The following SEMA6A variants were observed in gnomAD, a reference collection of about 807,000 sequenced individuals.
SEMA6A encodes the protein semaphorin-6A.
In SEMA6A, 25 loss-of-function variants were observed where a neutral mutation model predicts 96.8. That is an observed-to-expected ratio of 0.26 (90% CI 0.19 to 0.36). The LOEUF (loss-of-function observed/expected upper bound fraction) is 0.36. SEMA6A is among the 10% of genes least tolerant of loss of function. The probability of loss-of-function intolerance (pLI) is 1.00; values close to 1 mark genes in which losing one functional copy is unlikely to be tolerated. For synonymous variants in SEMA6A, 612 were observed against 518.0 expected, an observed-to-expected ratio of 1.18 and a Z score of -2.46; for missense variants, 1,363 against 1,323.1, an observed-to-expected ratio of 1.03 and a Z score of -0.47.
chr5:116,469,255 G>C (rs1293801754), intron 17 of SEMA6A: 1 of 152,150 alleles, frequency 6.6e-6, no homozygotes, highest in African/African-American at 2.4e-5. Context: ...TTCGTATCCA[G>C]CTGCTAAAAG....
At chr5:116,514,654 G>C (rs911982545) in intron 1 of SEMA6A, among the ~76,000 whole-genome samples, 3 of 152,132 alleles carry the variant, frequency 2.0e-5, no homozygotes, top group African/African-American at 7.2e-5. Flanking sequence ...GAGAACTCCT[G>C]ACTTCTCTTA....
At chr5:116,507,528 A>G (rs1758201932) in intron 1 of SEMA6A, among the ~76,000 whole-genome samples, 1 of 152,226 alleles carries the variant, frequency 6.6e-6, no homozygotes, top group South Asian at 2.1e-4. Context: ...CACTGAGTTT[A>G]TAAACCTTGA....
chr5:116,512,156 C>T (rs996773037), intron 1 of SEMA6A, among the ~76,000 whole-genome samples: 7 of 152,134 alleles, frequency 4.6e-5, no homozygotes, highest in African/African-American at 1.7e-4. Flanking sequence ...TGCTGCTGTC[C>T]ACAAGATGCA....
Position 116,446,453 on chromosome 5 carries a change from G to C in SEMA6A, c.*160C>G, listed in dbSNP as rs933577891. 5.2e-6 allele frequency: 3 copies of C among 575,206 alleles called. No homozygotes were observed. The highest frequency in any genetic ancestry group is 8.5e-6 in the Non-Finnish European group (3 of 351,780). 35.6% of individuals were successfully genotyped at this position (575,206 alleles called of 1,614,324 possible). On this transcript the variant is annotated 3_prime_UTR_variant, in exon 19 of 19. Transcript: ENST00000343348. ...CACCAAACCACGCGGCCCAGTTTTC[G>C]TGAGTACCCCTGTGTCCCAGAGAGG...
intron 1 of SEMA6A, among the ~76,000 whole-genome samples, chr5:116,572,053 G>C (rs1449826835): frequency 6.6e-6 from 1 of 152,106 alleles, no homozygotes; most frequent in East Asian, 1.9e-4. Context: ...ACAATTTCAG[G>C]ACTAAAGAAA....
chr5:116,567,832 A>G (rs1428101952), intron 1 of SEMA6A, among the ~76,000 whole-genome samples: 1 of 152,230 alleles, frequency 6.6e-6, no homozygotes, highest in Non-Finnish European at 1.5e-5. Context: ...TCACCCTGAC[A>G]TATTAATCGT....
intron 1 of SEMA6A, among the ~76,000 whole-genome samples, chr5:116,520,397 G>A (rs1561513691): frequency 6.6e-6 from 1 of 151,376 alleles, no homozygotes; most frequent in Non-Finnish European, 1.5e-5. Flanking sequence ...ATTAATCACT[G>A]TATCCCTCCC....
intron 18 of SEMA6A, among the ~76,000 whole-genome samples, chr5:116,465,498 GGGCAA>G (rs1426173250): frequency 6.6e-6 from 1 of 152,126 alleles, no homozygotes; most frequent in East Asian, 1.9e-4. Flanking sequence ...AAATTTGACA[GGGCAA>G]GGCAAGGAGT....
At chr5:116,507,387 C>T (rs926312072) in intron 1 of SEMA6A, among the ~76,000 whole-genome samples, 5 of 152,142 alleles carry the variant, frequency 3.3e-5, no homozygotes, top group African/African-American at 1.2e-4. Context: ...GAAATGATTA[C>T]TTTGCGGAGG....
rs377356374 is a variant in SEMA6A, at chr5:116,446,826, C to T, written c.2880G>A (p.Pro960=). The T allele has an allele frequency of 2.1e-5, 34 of 1,613,648 alleles. No individual in the cohort carries two copies. Among genetic ancestry groups the T allele is most frequent in the Admixed American group, 5.0e-5 (3 of 59,968 alleles). The change falls in exon 19 of 19, where the codon CCG becomes CCA. Residue 960 remains proline (P), a synonymous_variant. Coordinates refer to ENST00000343348, the MANE Select transcript of SEMA6A (RefSeq NM_020796.5). ...TGGAGTCCACCCTCTGCGGGGCGGG[C>T]GGCGGGTTGTCTCCCCTGCCAAAGC... is the stretch of plus-strand genomic sequence containing the variant. ...NQSFGRGDNP[P]PAPQRVDSIQ...
chr5:116,480,024 A>T, intron 12 of SEMA6A, 98 bp downstream of exon 12: 1 of 1,391,666 alleles, frequency 7.2e-7, no homozygotes, highest in Non-Finnish European at 1.0e-6. Context: ...GGATAGCAGA[A>T]GATGTTTGTG....
chr5:116,495,779 C>T (rs1757568254), intron 5 of SEMA6A: 3 of 408,954 alleles, frequency 7.3e-6, no homozygotes, highest in Non-Finnish European at 1.3e-5. Context: ...CCTGGAAATG[C>T]CAACCTCCCA....
At chr5:116,501,663 G>A (rs1757887507) in intron 3 of SEMA6A, among the ~76,000 whole-genome samples, 1 of 152,162 alleles carries the variant, frequency 6.6e-6, no homozygotes, top group South Asian at 2.1e-4. Flanking sequence ...CGAGGTGGGT[G>A]AATCACCTGA....
intron 3 of SEMA6A, chr5:116,499,050 C>T (rs1757748348): frequency 6.6e-6 from 1 of 152,186 alleles, no homozygotes; most frequent in Non-Finnish European, 1.5e-5. Flanking sequence ...CACCAACCCT[C>T]ACTCAGTCCC....
chr5:116,490,728 T>A (rs1021706611), intron 7 of SEMA6A, among the ~76,000 whole-genome samples: 1 of 152,182 alleles, frequency 6.6e-6, no homozygotes, highest in Non-Finnish European at 1.5e-5. Flanking sequence ...CAGGAACTAA[T>A]CTTGTTTCAT....
intron 18 of SEMA6A, among the ~76,000 whole-genome samples, chr5:116,460,778 A>C (rs1402786124): frequency 8.0e-6 from 1 of 124,234 alleles, no homozygotes; most frequent in Non-Finnish European, 1.6e-5. Flanking sequence ...TAAAATTGTT[A>C]ATCTCTTTTT....
intron 18 of SEMA6A, among the ~76,000 whole-genome samples, chr5:116,465,085 G>A (rs770984782): frequency 9.2e-5 from 14 of 152,272 alleles, no homozygotes; most frequent in South Asian, 2.1e-4. Context: ...AAGAGCACCC[G>A]TCACAGGCCC....
chr5:116,477,760 G>T, intron 15 of SEMA6A, 86 bp downstream of exon 15: 1 of 1,291,686 alleles, frequency 7.7e-7, no homozygotes, highest in Non-Finnish European at 1.1e-6. Flanking sequence ...CTGTGTGGTG[G>T]TGTGTGTGAG....
intron 1 of SEMA6A, among the ~76,000 whole-genome samples, chr5:116,545,873 C>A (rs548370938): frequency 1.7e-4 from 26 of 152,222 alleles, no homozygotes; most frequent in African/African-American, 5.1e-4. Flanking sequence ...TCTTTTTATC[C>A]TGCCATCTTC....
Sources: allele counts gnomAD v4.1 joint callset (sites outside exome capture counted in the v4.1 genomes callset), GRCh38; gene constraint gnomAD v4.1.1; transcripts MANE v1.5; gene names NCBI Gene and HGNC (gene_info 2026-07-23, HGNC 2026-07-21).